Variants in SEPTIN7 observed in about 807,000 individuals in gnomAD.
SEPTIN7 encodes septin 7.
A neutral mutation model predicts 63.3 loss-of-function variants in SEPTIN7; 10 were observed. The ratio of observed to expected loss-of-function variants is 0.16; its 90% confidence interval spans 0.10 to 0.27. SEPTIN7 has a LOEUF of 0.27. Ranked by LOEUF, SEPTIN7 falls within the 10% of genes least tolerant of loss-of-function variation. The pLI, the probability that SEPTIN7 is intolerant of heterozygous loss-of-function variation, is 1.00. For synonymous variants in SEPTIN7, 131 were observed against 165.3 expected (o/e 0.79, Z 1.59); for missense variants, 310 against 521.0 (o/e 0.59, Z 3.94).
Position 35,820,903 on chromosome 7 carries a change from C to T in SEPTIN7, c.62-10589C>T, listed in dbSNP as rs1323788002. The stretch of plus-strand genomic sequence containing the variant: ...TTTTGTTATTTGCTTAGTTCCTTTT[C>T]GAACTAATTCTGTGAAGTTAATTTT... On this transcript the variant is annotated intron_variant, in intron 1 of 13. Coordinates refer to ENST00000350320, the MANE Select transcript of SEPTIN7 (RefSeq NM_001788.6). 3.3e-5 allele frequency among the ~76,000 whole-genome samples: 5 copies of T among 152,130 alleles called. No individual in the cohort carries two copies. The East Asian group carries it at 5.8e-4, about 18-fold the overall frequency.
rs112028013 is a variant in SEPTIN7 at position 35,817,236 on chromosome 7, C to T, written c.62-14256C>T. Among the ~76,000 whole-genome samples the T allele has an allele frequency of 4.6e-3, 696 of 151,912 alleles. 7 individuals are homozygous for T. The highest frequency in any genetic ancestry group is 0.016 in the African/African-American group (663 of 41,454). Reference sequence around the variant, plus strand: ...ATTTTGAGTTAATTTTTGTGTATGGCGTGAGATAGGAGTCATTCTTTTGTA... The same window carrying T: ...ATTTTGAGTTAATTTTTGTGTATGGTGTGAGATAGGAGTCATTCTTTTGTA... On this transcript the variant is annotated intron_variant, in intron 1 of 13. Transcript: ENST00000350320.
chr7:35,852,161 T>A (rs1017219851), intron 3 of SEPTIN7, among the ~76,000 whole-genome samples: 5 of 152,216 alleles, frequency 3.3e-5, no homozygotes, highest in Admixed American at 6.5e-5. Flanking sequence ...AAGGTATGAT[T>A]CTAATGAGAT....
At chr7:35,872,933 G>C (rs1786244561) in intron 5 of SEPTIN7, among the ~76,000 whole-genome samples, 167 bp downstream of exon 5, 1 of 152,044 alleles carries the variant, frequency 6.6e-6, no homozygotes, top group African/African-American at 2.4e-5. Context: ...TGACAAAGTT[G>C]TTTAACTTCT....
intron 3 of SEPTIN7, among the ~76,000 whole-genome samples, chr7:35,833,148 A>G (rs1284630992): frequency 6.6e-6 from 1 of 152,068 alleles, no homozygotes; most frequent in African/African-American, 2.4e-5. Flanking sequence ...GTGGAACTCT[A>G]GAGAAGTTAT....
At chr7:35,806,660 C>G (rs1354202676) in intron 1 of SEPTIN7, among the ~76,000 whole-genome samples, 2 of 152,170 alleles carry the variant, frequency 1.3e-5, no homozygotes, top group Non-Finnish European at 1.5e-5. Flanking sequence ...TTCCACCATC[C>G]CAGAGTTTCT....
chr7:35,888,772 A>T, intron 10 of SEPTIN7: 1 of 264,974 alleles, frequency 3.8e-6, no homozygotes, highest in South Asian at 3.5e-5. Context: ...GTGAGCTGAG[A>T]TCGTACCACT....
chr7:35,834,247 TAGG>T (rs1249066625), intron 3 of SEPTIN7, among the ~76,000 whole-genome samples: 1 of 151,990 alleles, frequency 6.6e-6, no homozygotes, highest in Non-Finnish European at 1.5e-5. Flanking sequence ...CTAGGTCCAT[TAGG>T]AGAACTGTAA....
At chr7:35,836,925 T>A (rs1784111234) in intron 3 of SEPTIN7, among the ~76,000 whole-genome samples, 1 of 151,920 alleles carries the variant, frequency 6.6e-6, no homozygotes, top group Non-Finnish European at 1.5e-5. Context: ...TTGCTTTTAT[T>A]AATAGAAGTA....
chr7:35,869,074 A>G (rs1351276233), intron 4 of SEPTIN7, among the ~76,000 whole-genome samples: 1 of 152,212 alleles, frequency 6.6e-6, no homozygotes, highest in African/African-American at 2.4e-5. Flanking sequence ...GTATAGGAAT[A>G]GAAAGATGGG....
Position 35,883,546 on chromosome 7 carries a change from CT to C in SEPTIN7, c.724-338del, listed in dbSNP as rs1272042788. ...AGGCAAGCTAGTCATTAGCCCCCCG[CT>C]TTTTTTCCCCCAAATGCCAATATAG... On this transcript the variant is annotated intron_variant, in intron 8 of 13. Transcript: ENST00000350320. Among the ~76,000 whole-genome samples the C allele has an allele frequency of 4.1e-5, 6 of 146,832 alleles. No homozygotes were observed. In the East Asian group the frequency reaches 1.1e-3, roughly 26 times the overall value.
intron 8 of SEPTIN7, 41 bp downstream of exon 8, chr7:35,882,617 C>T (rs774853623): frequency 4.4e-5 from 57 of 1,301,394 alleles, no homozygotes; most frequent in Non-Finnish European, 5.3e-5. Flanking sequence ...AATCTGAGGC[C>T]TTAAAAACAT....
chr7:35,907,012 A>G lies in SEPTIN7; in HGVS notation c.*2719A>G, dbSNP rs1321953766. On this transcript the variant is annotated 3_prime_UTR_variant, in exon 14 of 14. Coordinates refer to ENST00000350320, the MANE Select transcript of SEPTIN7 (RefSeq NM_001788.6). ...ATGTGTCCATAATTATATGTATTGA[A>G]CAATGAAAATATGTGTCAACAAATG... 3.9e-5 allele frequency: 6 copies of G among 152,372 alleles called. No homozygotes were observed. The highest frequency in any genetic ancestry group is 1.2e-4 in the African/African-American group (5 of 41,588). The allele number at this position is 152,372 out of a possible 1,614,324, so 9.4% of individuals were successfully genotyped here. A position where few individuals can be genotyped will look rare whatever the true frequency, so the allele number is the denominator to read the frequency against.
intron 1 of SEPTIN7, among the ~76,000 whole-genome samples, chr7:35,807,433 C>T (rs1280035890): frequency 1.4e-5 from 2 of 144,954 alleles, no homozygotes; most frequent in Non-Finnish European, 3.0e-5. Context: ...GCGATCTCGG[C>T]TCGCTGTAAG....
intron 10 of SEPTIN7, among the ~76,000 whole-genome samples, chr7:35,887,496 A>T (rs1315329199): frequency 6.6e-6 from 1 of 152,146 alleles, no homozygotes; most frequent in Non-Finnish European, 1.5e-5. Context: ...ATAGGCATGC[A>T]CCACTACACC....
At chr7:35,870,534 T>C (rs1384536312) in intron 4 of SEPTIN7, among the ~76,000 whole-genome samples, 1 of 152,174 alleles carries the variant, frequency 6.6e-6, no homozygotes, top group Non-Finnish European at 1.5e-5. Flanking sequence ...CTTTGGATAT[T>C]TCTGCTTCAG....
At chr7:35,887,008 T>G (rs1363450319) in intron 10 of SEPTIN7, among the ~76,000 whole-genome samples, 1 of 152,222 alleles carries the variant, frequency 6.6e-6, no homozygotes, top group African/African-American at 2.4e-5. Flanking sequence ...CAGGCCTCAC[T>G]TAGTGGAGAA....
chr7:35,852,339 T>G (rs1785003938), intron 3 of SEPTIN7, among the ~76,000 whole-genome samples: 1 of 152,216 alleles, frequency 6.6e-6, no homozygotes, highest in East Asian at 1.9e-4. Flanking sequence ...TCTAATGGAC[T>G]ACTATAACCT....
chr7:35,833,456 A>G (rs989283325), intron 3 of SEPTIN7, among the ~76,000 whole-genome samples: 2 of 151,980 alleles, frequency 1.3e-5, no homozygotes, highest in African/African-American at 4.8e-5. Context: ...CCCTGCCTAT[A>G]GTCCATTTGA....
chr7:35,848,441 G>C (rs1411828827), intron 3 of SEPTIN7, among the ~76,000 whole-genome samples: 1 of 151,608 alleles, frequency 6.6e-6, no homozygotes, highest in Non-Finnish European at 1.5e-5. Context: ...CTAATTTTTT[G>C]GTTTTTTTTT....
Sources: gnomAD v4.1 joint callset for allele counts (sites outside exome capture counted in the v4.1 genomes callset) on GRCh38, gnomAD v4.1.1 for gene constraint, MANE v1.5 for transcripts, NCBI Gene and HGNC (gene_info 2026-07-23, HGNC 2026-07-21) for gene names.